CALN1: variants seen among roughly 807,000 people sequenced by gnomAD.
CALN1 encodes calneuron 1.
CALN1 carries 17 observed loss-of-function variants against 30.6 expected under a neutral mutation model. The observed-to-expected ratio is 0.56, with a 90% CI of 0.38 to 0.83. The LOEUF (loss-of-function observed/expected upper bound fraction) is 0.83, where lower values mean the gene tolerates loss of function less well. Ranked by LOEUF, CALN1 falls within the 40% of genes least tolerant of loss-of-function variation. CALN1 has a pLI of 0.00. For missense variants in CALN1, 291 were observed against 354.9 expected (o/e 0.82, Z 1.45); for synonymous variants, 156 against 131.4 (o/e 1.19, Z -1.28).
At chr7:72,343,699 G>A (rs1451561273) in intron 2 of CALN1, among the ~76,000 whole-genome samples, 1 of 152,178 alleles carries the variant, frequency 6.6e-6, no homozygotes, top group Admixed American at 6.5e-5. Context: ...GTTAATTGAA[G>A]AAGAAGCTAT....
At chr7:72,144,083 C>G (rs1810165921) in intron 3 of CALN1, among the ~76,000 whole-genome samples, 2 of 152,112 alleles carry the variant, frequency 1.3e-5, no homozygotes, top group Non-Finnish European at 2.9e-5. Flanking sequence ...AGCAAAATAA[C>G]CAGCTAACAT....
chr7:72,266,765 C>T (rs1386212984), intron 3 of CALN1, among the ~76,000 whole-genome samples: 1 of 152,160 alleles, frequency 6.6e-6, no homozygotes, highest in Non-Finnish European at 1.5e-5. Context: ...ATGCGGGAAA[C>T]TACTAGAAGA....
intron 3 of CALN1, among the ~76,000 whole-genome samples, chr7:72,198,861 G>A (rs1478691763): frequency 6.6e-6 from 1 of 152,184 alleles, no homozygotes; most frequent in Non-Finnish European, 1.5e-5. Context: ...TACAGCCAGA[G>A]AAAAGCACTG....
rs544403404 is a variant in CALN1 at position 72,281,817 on chromosome 7, TATACTC to T, written c.120-3013_120-3008del. 1.8e-4 allele frequency among the ~76,000 whole-genome samples: 27 copies of T among 152,326 alleles called. No individual in the cohort carries two copies. In the East Asian group the frequency reaches 4.0e-3, roughly 23 times the overall value. ...ATTTTTACAGTCATAATAAGGATGT[TATACTC>T]AAGCAAGCATCTCCAACCCACGCCC... On this transcript the variant is annotated intron_variant, in intron 2 of 6. Transcript: ENST00000395275.
chr7:72,288,920 A>G (rs1247951411), intron 2 of CALN1, among the ~76,000 whole-genome samples: 1 of 152,172 alleles, frequency 6.6e-6, no homozygotes, highest in Non-Finnish European at 1.5e-5. Flanking sequence ...TTTTCTGCTC[A>G]TCATTGGTTC....
intron 5 of CALN1, among the ~76,000 whole-genome samples, chr7:71,881,046 CAGA>C (rs1792532975): frequency 6.6e-6 from 1 of 152,152 alleles, no homozygotes; most frequent in South Asian, 2.1e-4. Flanking sequence ...ATAAAGCAGG[CAGA>C]AGGACATGGA....
chr7:71,886,206 A>ACCG (rs902969692), intron 5 of CALN1, among the ~76,000 whole-genome samples: 34 of 152,244 alleles, frequency 2.2e-4, no homozygotes, highest in African/African-American at 8.2e-4. Flanking sequence ...CCCTTGCCCC[A>ACCG]CCGCCGCAAG....
chr7:72,483,280 CTTTT>C, the CALN1 span, among the ~76,000 whole-genome samples: 1 of 100,114 alleles, frequency 1.0e-5, no homozygotes, highest in Non-Finnish European at 2.1e-5. Flanking sequence ...TTTTCTTTTT[CTTTT>C]TTTTTTTTTT....
At chr7:71,938,162 G>A (rs1421999982) in intron 5 of CALN1, among the ~76,000 whole-genome samples, 2 of 152,082 alleles carry the variant, frequency 1.3e-5, no homozygotes, top group Non-Finnish European at 2.9e-5. Flanking sequence ...TCTTCCCTGG[G>A]GTGGAAATTT....
intron 4 of CALN1, among the ~76,000 whole-genome samples, chr7:72,071,043 T>C (rs920022466): frequency 2.0e-5 from 3 of 152,306 alleles, no homozygotes; most frequent in African/African-American, 7.2e-5. Flanking sequence ...TGTGACTATT[T>C]TGAAATTCCA....
upstream of CALN1, among the ~76,000 whole-genome samples, chr7:72,413,203 A>T (rs1018599904): frequency 7.9e-5 from 12 of 151,448 alleles, no homozygotes; most frequent in Non-Finnish European, 1.2e-4. Flanking sequence ...CCACCCACTC[A>T]CACACACACA....
chr7:72,154,625 T>C (rs1377869035), intron 3 of CALN1, among the ~76,000 whole-genome samples: 1 of 152,134 alleles, frequency 6.6e-6, no homozygotes, highest in Non-Finnish European at 1.5e-5. Context: ...AGGGCCTCTG[T>C]GTCTCCCTCT....
At chr7:71,889,694 C>T (rs1045678722) in intron 5 of CALN1, among the ~76,000 whole-genome samples, 1 of 152,202 alleles carries the variant, frequency 6.6e-6, no homozygotes, top group Non-Finnish European at 1.5e-5. Flanking sequence ...GTGGCTCAAG[C>T]CTGTAATCCC....
At chr7:72,484,152 T>C in the CALN1 span, among the ~76,000 whole-genome samples, 7 of 152,238 alleles carry the variant, frequency 4.6e-5, no homozygotes, top group Admixed American at 4.6e-4. Context: ...CTTCTCATTA[T>C]GGGTCATATT....
At chr7:72,062,430 T>A (rs1448965505) in intron 4 of CALN1, among the ~76,000 whole-genome samples, 1 of 147,458 alleles carries the variant, frequency 6.8e-6, no homozygotes, top group Non-Finnish European at 1.5e-5. Context: ...GAGAATCTCT[T>A]GAACCAGGGA....
intron 2 of CALN1, among the ~76,000 whole-genome samples, chr7:72,356,333 G>A (rs1288501591): frequency 1.3e-5 from 2 of 151,876 alleles, no homozygotes; most frequent in Non-Finnish European, 2.9e-5. Flanking sequence ...AATAATGTTT[G>A]GTAGTTTCTT....
chr7:72,313,711 T>A (rs1562874695), intron 2 of CALN1, among the ~76,000 whole-genome samples: 4 of 45,710 alleles, frequency 8.8e-5, no homozygotes. Context: ...TTAAAAAATT[T>A]AATGATGGGA....
At chr7:72,084,612 C>T (rs1015962697) in intron 4 of CALN1, among the ~76,000 whole-genome samples, 1 of 152,014 alleles carries the variant, frequency 6.6e-6, no homozygotes, top group Non-Finnish European at 1.5e-5. Context: ...CCACCCGCCT[C>T]GGCCTCCCAA....
At chr7:72,488,876 G>A in the CALN1 span, among the ~76,000 whole-genome samples, 1 of 151,940 alleles carries the variant, frequency 6.6e-6, no homozygotes, top group Admixed American at 6.6e-5. Context: ...TAGAGATAGG[G>A]TCTCACTATG....
Sources: allele counts gnomAD v4.1 joint callset (sites outside exome capture counted in the v4.1 genomes callset), GRCh38; gene constraint gnomAD v4.1.1; transcripts MANE v1.5; gene names NCBI Gene and HGNC (gene_info 2026-07-23, HGNC 2026-07-21).